Variants in NAV3 observed in about 807,000 individuals in gnomAD.
The protein encoded by NAV3 is neuron navigator 3.
A neutral mutation model predicts 244.7 loss-of-function variants in NAV3; 87 were observed. The ratio of observed to expected loss-of-function variants is 0.36; its 90% CI spans 0.30 to 0.42. NAV3 has a LOEUF of 0.42. NAV3 is among the 20% of genes least tolerant of loss of function. The pLI is 1.00. For synonymous variants in NAV3, 1,126 were observed against 1,042.2 expected, an observed-to-expected ratio of 1.08 and a Z score of -1.55; for missense variants, 2,663 against 2,893.3, an observed-to-expected ratio of 0.92 and a Z score of 1.83.
chr12:77,725,941 T>G (rs941724147), intron 2 of NAV3, among the ~76,000 whole-genome samples: 3 of 151,986 alleles, frequency 2.0e-5, no homozygotes, highest in Admixed American at 6.6e-5. Flanking sequence ...TGAATTTTTT[T>G]CATGCTGCAT....
chr12:78,210,693 A>G lies in NAV3; in HGVS notation c.*176A>G, dbSNP rs1960814692. 2 of 665,086 alleles carry G rather than the reference A, an allele frequency of 3.0e-6. No homozygotes were observed. Among genetic ancestry groups the G allele is most frequent in the African/African-American group, 3.7e-5 (2 of 54,496 alleles). The allele number at this position is 665,086 out of a possible 1,614,324, so 41.2% of individuals were successfully genotyped here. On this transcript the variant is annotated 3_prime_UTR_variant, in exon 40 of 40. Transcript: ENST00000397909. ...TGAACCGCCAAGATGCTAAATTGCA[A>G]TGGAAGCTTAACTTTAGTTTATTTC...
chr12:78,036,376 G>C, intron 9 of NAV3: 1 of 155,432 alleles, frequency 6.4e-6, no homozygotes, highest in Non-Finnish European at 1.4e-5. Context: ...GTGTCAGCTC[G>C]TTAGAGTAAA....
chr12:78,096,821 C>A lies in NAV3; in HGVS notation c.2637-19951C>A, dbSNP rs908328320. Reference sequence around the variant, plus strand: ...CTTTCTTTGTTACTGGGTACCATATCCATTCTGTTGAGGTTCTGAGCCTTT... The same window carrying A: ...CTTTCTTTGTTACTGGGTACCATATACATTCTGTTGAGGTTCTGAGCCTTT... On this transcript the variant is annotated intron_variant, in intron 12 of 39. Transcript: ENST00000397909. Among the ~76,000 whole-genome samples, 6 of 152,116 alleles carry A rather than the reference C, an allele frequency of 3.9e-5. No individual in the cohort carries two copies. In the South Asian group the frequency reaches 1.0e-3, roughly 26 times the overall value.
intron 2 of NAV3, among the ~76,000 whole-genome samples, chr12:77,631,101 G>A (rs1871875495): frequency 6.6e-6 from 1 of 152,184 alleles, no homozygotes; most frequent in Non-Finnish European, 1.5e-5. Context: ...ACAGATGTAA[G>A]CATGTCAAGT....
intron 2 of NAV3, among the ~76,000 whole-genome samples, chr12:77,656,812 A>G (rs1873130872): frequency 1.3e-5 from 2 of 151,906 alleles, no homozygotes; most frequent in South Asian, 4.2e-4. Context: ...ACTCACTCAA[A>G]ACCGCTCAAC....
intron 2 of NAV3, among the ~76,000 whole-genome samples, chr12:77,674,181 G>A (rs1434320238): frequency 6.6e-6 from 1 of 152,080 alleles, no homozygotes; most frequent in Non-Finnish European, 1.5e-5. Flanking sequence ...ATACAACTCT[G>A]GCTTTGGGCT....
chr12:77,684,660 G>T (rs1874632610), intron 2 of NAV3, among the ~76,000 whole-genome samples: 1 of 152,024 alleles, frequency 6.6e-6, no homozygotes, highest in Non-Finnish European at 1.5e-5. Context: ...TTAATGAGCA[G>T]AATTACTACA....
chr12:77,767,293 A>G (rs912037729), intron 2 of NAV3, among the ~76,000 whole-genome samples: 1 of 152,220 alleles, frequency 6.6e-6, no homozygotes, highest in Non-Finnish European at 1.5e-5. Context: ...AATGTGATGT[A>G]TGATGGATTC....
chr12:77,626,524 G>A (rs1020757804), intron 2 of NAV3, among the ~76,000 whole-genome samples: 13 of 152,172 alleles, frequency 8.5e-5, no homozygotes, highest in Non-Finnish European at 1.9e-4. Flanking sequence ...TCAAAAGTCA[G>A]GGAGAATTCT....
At position 77,615,693 on chromosome 12, in the gene NAV3, C is replaced by G. The variant is rs189729488; in HGVS notation, c.72+43427C>G. Among the ~76,000 whole-genome samples, 9 of 152,224 alleles carry G rather than the reference C, an allele frequency of 5.9e-5. No individual in the cohort carries two copies. In the East Asian group the frequency reaches 1.7e-3, roughly 29 times the overall value. On this transcript the variant is annotated intron_variant, in intron 2 of 8. Transcript: ENST00000550042. ...TGTGATGAACATATGAATTCATGTG[C>G]CTTTTTAGTAGAATGATTTATTTTC...
intron 12 of NAV3, among the ~76,000 whole-genome samples, chr12:78,101,903 A>G (rs1010680374): frequency 6.6e-6 from 1 of 152,280 alleles, no homozygotes; most frequent in Non-Finnish European, 1.5e-5. Flanking sequence ...GCCGAATAAT[A>G]TGAAAATATT....
At chr12:77,578,066 G>A (rs1237327688) in intron 2 of NAV3, among the ~76,000 whole-genome samples, 2 of 152,046 alleles carry the variant, frequency 1.3e-5, no homozygotes, top group East Asian at 3.9e-4. Context: ...AAACTAAGCC[G>A]ATTTAAAGAT....
intron 2 of NAV3, among the ~76,000 whole-genome samples, chr12:77,678,414 A>G (rs1369700934): frequency 1.8e-4 from 28 of 152,166 alleles, no homozygotes; most frequent in Non-Finnish European, 2.9e-5. Flanking sequence ...GAAATCTTAG[A>G]TTTTGCAGGC....
intron 5 of NAV3, among the ~76,000 whole-genome samples, chr12:77,973,073 A>G (rs2619048): frequency 0.86 from 131,110 of 152,146 alleles, 56,560 homozygotes; most frequent in East Asian, 0.98. Flanking sequence ...TACATGTAAA[A>G]GATACATTTT....
intron 4 of NAV3, among the ~76,000 whole-genome samples, chr12:77,967,818 T>C (rs1226309819): frequency 1.3e-5 from 2 of 152,156 alleles, no homozygotes; most frequent in African/African-American, 4.8e-5. Context: ...TATTCAATTA[T>C]GTTATCTGAC....
chr12:78,210,377 A>G (rs1960781600), intron 39 of NAV3, 21 bp from the exon 40 acceptor site: 1 of 1,613,116 alleles, frequency 6.2e-7, no homozygotes, highest in Non-Finnish European at 8.5e-7. Flanking sequence ...GCCTACATCG[A>G]TGTCTTTTTT....
At chr12:77,890,582 A>G (rs542404998) in intron 1 of NAV3, among the ~76,000 whole-genome samples, 21 of 152,268 alleles carry the variant, frequency 1.4e-4, no homozygotes, top group African/African-American at 4.1e-4. Context: ...TTCCATGTCT[A>G]TTTCTTACCT....
intron 12 of NAV3, among the ~76,000 whole-genome samples, chr12:78,097,488 C>A (rs1381502148): frequency 6.6e-6 from 1 of 152,142 alleles, no homozygotes; most frequent in African/African-American, 2.4e-5. Flanking sequence ...CTATCTTTCA[C>A]CCCCATCTAG....
At chr12:77,822,009 T>C (rs1463372340) in intron 2 of NAV3, among the ~76,000 whole-genome samples, 4 of 152,198 alleles carry the variant, frequency 2.6e-5, no homozygotes, top group Admixed American at 6.5e-5. Flanking sequence ...TTGTCCTTTT[T>C]CCAGATGTGT....
Sources: gnomAD v4.1 joint callset for allele counts (sites outside exome capture counted in the v4.1 genomes callset) on GRCh38, gnomAD v4.1.1 for gene constraint, MANE v1.5 for transcripts, NCBI Gene and HGNC (gene_info 2026-07-23, HGNC 2026-07-21) for gene names.